Variants in KCNQ5 observed in about 807,000 individuals in gnomAD.
The protein encoded by KCNQ5 is potassium voltage-gated channel subfamily Q member 5.
KCNQ5 carries 30 observed loss-of-function variants against 98.2 expected under a neutral mutation model. The ratio of observed to expected loss-of-function variants is 0.31; its 90% CI spans 0.23 to 0.41. KCNQ5 has a LOEUF of 0.41. KCNQ5 is among the 10% of genes least tolerant of loss of function. KCNQ5 has a pLI of 1.00. For missense variants in KCNQ5, 835 were observed against 1,182.5 expected (o/e 0.71, Z 4.31); for synonymous variants, 458 against 449.4 (o/e 1.02, Z -0.24).
intron 1 of KCNQ5, among the ~76,000 whole-genome samples, chr6:72,834,767 C>G (rs1472620755): frequency 6.6e-6 from 1 of 152,066 alleles, no homozygotes; most frequent in Non-Finnish European, 1.5e-5. Context: ...TGTGTAACTT[C>G]CATTAACACG....
Position 73,157,518 on chromosome 6 carries a change from T to C in KCNQ5, c.1469-12228T>C, listed in dbSNP as rs555506184. 85 of 720,656 alleles carry C rather than the reference T, an allele frequency of 1.2e-4. 1 individual carries two copies. The highest frequency in any genetic ancestry group is 1.8e-4 in the Non-Finnish European group (70 of 387,890). The allele number at this position is 720,656 out of a possible 1,614,324, so 44.6% of individuals were successfully genotyped here. On this transcript the variant is annotated intron_variant, in intron 10 of 13. Coordinates refer to ENST00000370398, the MANE Select transcript of KCNQ5 (RefSeq NM_019842.4). ...CTCCCCGGTGACCAGACTGAAGAAC[T>C]AACAGAACTGACGATACTTCCATCC...
At chr6:72,766,906 G>A (rs1404927235) in intron 1 of KCNQ5, among the ~76,000 whole-genome samples, 2 of 151,974 alleles carry the variant, frequency 1.3e-5, no homozygotes, top group East Asian at 1.9e-4. Flanking sequence ...TGTCATCACA[G>A]CATAAAGATG....
At chr6:73,053,411 A>G (rs888535341) in intron 3 of KCNQ5, among the ~76,000 whole-genome samples, 1 of 152,206 alleles carries the variant, frequency 6.6e-6, no homozygotes, top group Non-Finnish European at 1.5e-5. Context: ...ATAGACATCT[A>G]CAGAAATCTC....
At chr6:72,765,170 AT>A (rs1410446102) in intron 1 of KCNQ5, among the ~76,000 whole-genome samples, 6 of 151,934 alleles carry the variant, frequency 3.9e-5, no homozygotes, top group Non-Finnish European at 7.4e-5. Context: ...TGGTAGCTCA[AT>A]TTTTAGTTTT....
chr6:72,756,233 A>G (rs1310256193), intron 1 of KCNQ5, among the ~76,000 whole-genome samples: 1 of 152,140 alleles, frequency 6.6e-6, no homozygotes, highest in Non-Finnish European at 1.5e-5. Context: ...TTTGAACTTA[A>G]TTTACTTGGC....
chr6:72,890,426 G>T (rs916406621), intron 1 of KCNQ5, among the ~76,000 whole-genome samples: 3 of 150,180 alleles, frequency 2.0e-5, no homozygotes, highest in Non-Finnish European at 4.4e-5. Context: ...TGTATATAGG[G>T]TTTTTCATTT....
intron 1 of KCNQ5, among the ~76,000 whole-genome samples, chr6:72,833,491 C>T (rs532003309): frequency 1.4e-4 from 21 of 152,204 alleles, no homozygotes; most frequent in African/African-American, 4.6e-4. Context: ...GTCAATGACA[C>T]AAAAATAATC....
chr6:72,838,949 C>CAA (rs67894922), intron 1 of KCNQ5, among the ~76,000 whole-genome samples: 661 of 58,198 alleles, frequency 0.011, 42 homozygotes, highest in South Asian at 0.035. Flanking sequence ...GACTCCGTCT[C>CAA]AAAAAAAAAA....
chr6:72,771,735 A>G (rs951719709), intron 1 of KCNQ5, among the ~76,000 whole-genome samples: 2 of 151,308 alleles, frequency 1.3e-5, no homozygotes, highest in East Asian at 3.9e-4. Flanking sequence ...ATGGCTTCTG[A>G]TGGTAATGTT....
chr6:73,063,396 C>T (rs1582282746), intron 3 of KCNQ5, among the ~76,000 whole-genome samples: 1 of 152,078 alleles, frequency 6.6e-6, no homozygotes, highest in Admixed American at 6.5e-5. Context: ...AGTAATTTAT[C>T]GCATTATCTT....
At chr6:72,769,071 A>G (rs1003287377) in intron 1 of KCNQ5, among the ~76,000 whole-genome samples, 1 of 152,086 alleles carries the variant, frequency 6.6e-6, no homozygotes, top group Non-Finnish European at 1.5e-5. Flanking sequence ...TCCTTTCCTC[A>G]GATACTTTGC....
At chr6:72,714,307 A>G (rs756088092) in intron 1 of KCNQ5, among the ~76,000 whole-genome samples, 5 of 152,144 alleles carry the variant, frequency 3.3e-5, no homozygotes, top group South Asian at 4.1e-4. Context: ...AGCATTGCCC[A>G]TCATTGTGCA....
chr6:72,746,667 A>G (rs778786539), intron 1 of KCNQ5, among the ~76,000 whole-genome samples: 14 of 152,230 alleles, frequency 9.2e-5, no homozygotes, highest in Non-Finnish European at 2.1e-4. Context: ...GCAAAATCTC[A>G]TAGCAACATC....
rs1005757316 is a variant in KCNQ5, at chr6:72,986,794, G to A, written c.399-17114G>A. The A allele has an allele frequency of 4.2e-6, 6 of 1,427,870 alleles. No individual in the cohort carries two copies. In the Admixed American group the frequency reaches 1.0e-4, roughly 24 times the overall value. The allele number at this position is 1,427,870 out of a possible 1,614,324, so 88.5% of individuals were successfully genotyped here. On this transcript the variant is annotated intron_variant, in intron 1 of 13. Coordinates refer to ENST00000370398, the MANE Select transcript of KCNQ5 (RefSeq NM_019842.4). ...GTGAAGAGGAAACCAGAGTTGGCAA[G>A]AAGCTCAAATAACACAAGAAGGAAA...
At chr6:72,708,864 C>G (rs954216646) in intron 1 of KCNQ5, among the ~76,000 whole-genome samples, 1 of 151,942 alleles carries the variant, frequency 6.6e-6, no homozygotes, top group Non-Finnish European at 1.5e-5. Flanking sequence ...AAAAACAAAT[C>G]AAAATGGCAA....
At chr6:73,007,402 T>C (rs530047240) in intron 2 of KCNQ5, among the ~76,000 whole-genome samples, 1 of 152,314 alleles carries the variant, frequency 6.6e-6, no homozygotes, top group Admixed American at 6.5e-5. Flanking sequence ...AGTTGTCTTA[T>C]CTGTTAAAAG....
chr6:73,181,061 A>G (rs536281369), intron 11 of KCNQ5, among the ~76,000 whole-genome samples: 2 of 152,300 alleles, frequency 1.3e-5, no homozygotes, highest in African/African-American at 4.8e-5. Flanking sequence ...ATTTCCTTAT[A>G]AGTGCACATG....
At chr6:73,157,829 T>C in intron 10 of KCNQ5, 1 of 779,708 alleles carries the variant, frequency 1.3e-6, no homozygotes, top group South Asian at 1.3e-5. Context: ...GTGTTGGCTT[T>C]GGCAAACTCT....
At chr6:73,005,652 G>A (rs1769780248) in intron 2 of KCNQ5, among the ~76,000 whole-genome samples, 2 of 151,498 alleles carry the variant, frequency 1.3e-5, no homozygotes, top group Non-Finnish European at 2.9e-5. Flanking sequence ...GTGAACAATG[G>A]ATCAGAGTTT....
Sources: gnomAD v4.1 joint callset for allele counts (sites outside exome capture counted in the v4.1 genomes callset) on GRCh38, gnomAD v4.1.1 for gene constraint, MANE v1.5 for transcripts, NCBI Gene and HGNC (gene_info 2026-07-23, HGNC 2026-07-21) for gene names.